Variants in ATP2B2 observed in about 807,000 individuals in gnomAD.
The protein encoded by ATP2B2 is ATPase plasma membrane Ca2+ transporting 2, also known as plasma membrane calcium-transporting ATPase 2.
A neutral mutation model predicts 120.0 loss-of-function variants in ATP2B2; 15 were observed. That is an observed-to-expected ratio of 0.12 (90% CI 0.08 to 0.19). The LOEUF (loss-of-function observed/expected upper bound fraction) is 0.19. Ranked by LOEUF, ATP2B2 falls within the 10% of genes least tolerant of loss-of-function variation. ATP2B2 has a pLI of 1.00. For synonymous variants in ATP2B2, 694 were observed against 700.3 expected, an observed-to-expected ratio of 0.99 and a Z score of 0.14; for missense variants, 1,045 against 1,719.8, an observed-to-expected ratio of 0.61 and a Z score of 6.94.
intron 18 of ATP2B2, 64 bp downstream of exon 18, chr3:10,345,306 AGTACCCTAAGGCCC>A: frequency 6.6e-7 from 1 of 1,521,210 alleles, no homozygotes; most frequent in Non-Finnish European, 9.1e-7. Flanking sequence ...GACAACCTGG[AGTACCCTAAGGCCC>A]CCGAGCCTCT....
At chr3:10,615,753 T>C (rs2069368432) in intron 2 of ATP2B2, among the ~76,000 whole-genome samples, 1 of 152,040 alleles carries the variant, frequency 6.6e-6, no homozygotes, top group Non-Finnish European at 1.5e-5. Flanking sequence ...AAATTATTTT[T>C]TATATTCAGA....
chr3:10,545,366 CA>C (rs2067522607), intron 2 of ATP2B2, among the ~76,000 whole-genome samples: 1 of 151,790 alleles, frequency 6.6e-6, no homozygotes, highest in African/African-American at 2.4e-5. Context: ...TCCGTCTCTA[CA>C]AAAATACAAA....
chr3:10,463,036 C>T (rs1234157057), intron 1 of ATP2B2, among the ~76,000 whole-genome samples: 1 of 152,182 alleles, frequency 6.6e-6, no homozygotes, highest in African/African-American at 2.4e-5. Flanking sequence ...AATGGTCTAC[C>T]ACCTGCTTTT....
In ATP2B2 at chr3:10,410,644, TAGA is replaced by T; in HGVS notation, c.368_370del (p.Phe123del). The stretch of plus-strand genomic sequence containing the variant: ...TTCGTTGCCCTCGCCGGGCGGGTGG[TAGA>T]AGGACAGCCCCAGGGAGATGATGGC... On this transcript the variant is annotated inframe_deletion, in exon 3 of 23. Coordinates refer to ENST00000360273, the MANE Select transcript of ATP2B2 (RefSeq NM_001001331.4). 1 of 1,609,602 alleles carries T rather than the reference TAGA, an allele frequency of 6.2e-7. No homozygotes were observed. Among genetic ancestry groups the T allele is most frequent in the South Asian group, 1.1e-5 (1 of 90,926 alleles).
intron 17 of ATP2B2, 98 bp downstream of exon 17, chr3:10,345,933 C>G: frequency 2.4e-6 from 3 of 1,266,430 alleles, no homozygotes; most frequent in Non-Finnish European, 3.3e-6. Context: ...GGCGGGTGGG[C>G]CAAGTGTGAA....
intron 2 of ATP2B2, among the ~76,000 whole-genome samples, chr3:10,582,920 C>A (rs2068424731): frequency 6.6e-6 from 1 of 152,230 alleles, no homozygotes; most frequent in Non-Finnish European, 1.5e-5. Context: ...GCAGTTCTGT[C>A]CTGGCACCGT....
intron 1 of ATP2B2, among the ~76,000 whole-genome samples, chr3:10,504,976 GCCT>G (rs1017720269): frequency 3.9e-5 from 6 of 152,140 alleles, no homozygotes; most frequent in African/African-American, 1.4e-4. Context: ...CTTCACAGGG[GCCT>G]CCTCCTGCCT....
At position 10,329,352 on chromosome 3, in the gene ATP2B2, A is replaced by G. The variant is rs868822162; in HGVS notation, c.3421-227T>C. 5.3e-5 allele frequency among the ~76,000 whole-genome samples: 8 copies of G among 152,200 alleles called. No individual in the cohort carries two copies. The highest frequency in any genetic ancestry group is 1.3e-4 in the Admixed American group (2 of 15,288). ...AAAAATCTCTTTGGTTTTGGTAGAA[A>G]CTAGTGTTAGGACAGGAGGAATCAC... On this transcript the variant is annotated intron_variant, in intron 22 of 22. Transcript: ENST00000360273. This position sits in a 1 kb window ranked among gnomAD's most constrained non-coding sequence, Gnocchi z 5.9.
At chr3:10,664,983 T>G (rs1361205612) in intron 1 of ATP2B2, among the ~76,000 whole-genome samples, 1 of 152,144 alleles carries the variant, frequency 6.6e-6, no homozygotes, top group Non-Finnish European at 1.5e-5. Flanking sequence ...TGCTCCTCTT[T>G]GTTCCTGCCA....
intron 2 of ATP2B2, among the ~76,000 whole-genome samples, chr3:10,540,733 G>T (rs1181434670): frequency 2.1e-5 from 2 of 97,408 alleles, no homozygotes; most frequent in South Asian, 4.5e-4. Flanking sequence ...GTGGGGGGAG[G>T]GGGGAGGGAT....
intron 2 of ATP2B2, among the ~76,000 whole-genome samples, chr3:10,430,648 C>T (rs553799154): frequency 2.6e-5 from 4 of 152,050 alleles, no homozygotes; most frequent in African/African-American, 9.6e-5. Context: ...TCCCATCCCC[C>T]TTCTCCCACC....
At chr3:10,561,018 T>C (rs2067892504) in intron 2 of ATP2B2, among the ~76,000 whole-genome samples, 1 of 152,216 alleles carries the variant, frequency 6.6e-6, no homozygotes, top group African/African-American at 2.4e-5. Flanking sequence ...TCCAGGTCAC[T>C]GCTGAAGAAT....
chr3:10,705,956 G>T (rs1370970922), intron 1 of ATP2B2, among the ~76,000 whole-genome samples: 1 of 152,132 alleles, frequency 6.6e-6, no homozygotes, highest in African/African-American at 2.4e-5. Flanking sequence ...GCTGGGACCA[G>T]GTCTGTTTTA....
intron 1 of ATP2B2, among the ~76,000 whole-genome samples, chr3:10,666,672 A>G (rs1387064539): frequency 1.3e-5 from 2 of 152,194 alleles, no homozygotes; most frequent in African/African-American, 4.8e-5. Context: ...GATGGGTGGA[A>G]GCCCAGAGAA....
intron 1 of ATP2B2, among the ~76,000 whole-genome samples, chr3:10,667,274 G>T (rs2070965711): frequency 6.6e-6 from 1 of 152,204 alleles, no homozygotes; most frequent in African/African-American, 2.4e-5. Flanking sequence ...TAATGCCACT[G>T]GCTCAAAGTC....
intron 8 of ATP2B2, among the ~76,000 whole-genome samples, chr3:10,380,966 A>G (rs979149714): frequency 1.3e-5 from 2 of 152,076 alleles, no homozygotes; most frequent in Non-Finnish European, 2.9e-5. Context: ...GATTTTCATC[A>G]CTCTCATTTT....
rs572228107 is a variant in ATP2B2 at position 10,450,899 on chromosome 3, C to T, written c.-319-1037G>A. Among the ~76,000 whole-genome samples the T allele has an allele frequency of 2.1e-3, 322 of 152,262 alleles. 1 individual carries two copies. The highest frequency in any genetic ancestry group is 2.8e-3 in the Non-Finnish European group (193 of 68,008). On this transcript the variant is annotated intron_variant, in intron 1 of 22. Transcript: ENST00000360273. The stretch of plus-strand genomic sequence containing the variant: ...GGTGACAAAGGGCCCCAGCTGAGCT[C>T]GGTTGGGTCTGGCACAGGGAGTGGC...
At chr3:10,642,681 T>C (rs1439146068) in intron 1 of ATP2B2, among the ~76,000 whole-genome samples, 1 of 128,786 alleles carries the variant, frequency 7.8e-6, no homozygotes, top group African/African-American at 4.4e-5. Flanking sequence ...GCATAGAGAT[T>C]TAGCTAAAAA....
intron 3 of ATP2B2, among the ~76,000 whole-genome samples, chr3:10,520,100 A>G (rs1402095652): frequency 6.6e-6 from 1 of 152,200 alleles, no homozygotes; most frequent in Non-Finnish European, 1.5e-5. Flanking sequence ...ATAAAACTCT[A>G]TTCCCAACCT....
Sources: allele counts gnomAD v4.1 joint callset (sites outside exome capture counted in the v4.1 genomes callset), GRCh38; gene constraint gnomAD v4.1.1; non-coding constraint Gnocchi (gnomAD v3.1); transcripts MANE v1.5; gene names NCBI Gene and HGNC (gene_info 2026-07-23, HGNC 2026-07-21).